Variants in DPH6 observed in about 807,000 individuals in gnomAD.
The protein encoded by DPH6 is diphthamine biosynthesis 6, also known as diphthine--ammonia ligase.
DPH6 carries 33 observed loss-of-function variants against 38.2 expected under a neutral mutation model. That is an observed-to-expected ratio of 0.86 (90% CI 0.65 to 1.15). The LOEUF (loss-of-function observed/expected upper bound fraction) is 1.15, where lower values mean the gene tolerates loss of function less well. Ranked by LOEUF, DPH6 falls within the 50% of genes most tolerant of loss-of-function variation. The pLI is 0.00. For synonymous variants in DPH6, 108 were observed against 103.0 expected (o/e 1.05, Z -0.30); for missense variants, 325 against 320.0 (o/e 1.02, Z -0.12).
At chr15:35,321,403 C>G (rs534247142) in intron 3 of DPH6, among the ~76,000 whole-genome samples, 2 of 152,110 alleles carry the variant, frequency 1.3e-5, no homozygotes, top group African/African-American at 4.8e-5. Context: ...GGAGTAAATA[C>G]CAAATATTTT....
At chr15:35,476,199 T>C (rs1356874425) in intron 3 of DPH6, among the ~76,000 whole-genome samples, 1 of 151,868 alleles carries the variant, frequency 6.6e-6, no homozygotes, top group Non-Finnish European at 1.5e-5. Context: ...TTTCTAACAA[T>C]GACTAGCTGT....
chr15:35,384,586 C>T (rs1331930200), intron 6 of DPH6, among the ~76,000 whole-genome samples: 1 of 152,042 alleles, frequency 6.6e-6, no homozygotes, highest in Non-Finnish European at 1.5e-5. Flanking sequence ...TCGCTTGAAC[C>T]CAGGAGGCGG....
rs112878810 is a variant in DPH6 at position 35,276,012 on chromosome 15, A to C, written n.201-55430T>G. On this transcript the variant is annotated intron_variant and non_coding_transcript_variant, in intron 3 of 3. Transcript: ENST00000560386. ...TGGTAGTTCTACTTTTAGTTCTTTA[A>C]GGAATCTCCACACTGTTTTCCATAG... Among the ~76,000 whole-genome samples the C allele has an allele frequency of 4.2e-4, 64 of 152,340 alleles. 1 individual carries two copies. Among genetic ancestry groups the C allele is most frequent in the Middle Eastern group, 3.4e-3 (1 of 294 alleles).
At chr15:35,545,661 G>A (rs1198124462) in intron 1 of DPH6, among the ~76,000 whole-genome samples, 2 of 152,090 alleles carry the variant, frequency 1.3e-5, no homozygotes, top group Non-Finnish European at 2.9e-5. Flanking sequence ...CTGACCAAAG[G>A]AACTACAGAA....
At chr15:35,145,488 G>A in the DPH6 span, among the ~76,000 whole-genome samples, 2 of 152,224 alleles carry the variant, frequency 1.3e-5, no homozygotes, top group African/African-American at 4.8e-5. Flanking sequence ...GATACAAACA[G>A]TATGAACATT....
At chr15:35,451,958 C>T (rs2053940439) in intron 4 of DPH6, among the ~76,000 whole-genome samples, 1 of 152,100 alleles carries the variant, frequency 6.6e-6, no homozygotes, top group South Asian at 2.1e-4. Flanking sequence ...TGCCGTAAGC[C>T]GAGATTGCGC....
intron 3 of DPH6, chr15:35,490,085 A>G (rs1470393980): frequency 1.0e-6 from 1 of 985,308 alleles, no homozygotes; most frequent in Non-Finnish European, 1.2e-6. Context: ...TACTTGGCCT[A>G]AATCTCTTCC....
intron 3 of DPH6, among the ~76,000 whole-genome samples, chr15:35,464,287 T>G (rs953565020): frequency 6.9e-6 from 1 of 144,594 alleles, no homozygotes; most frequent in Non-Finnish European, 1.5e-5. Context: ...GGCAAGACTT[T>G]GTCTCAAAAA....
chr15:35,411,244 T>G (rs2053363082), intron 5 of DPH6, among the ~76,000 whole-genome samples: 1 of 151,714 alleles, frequency 6.6e-6, no homozygotes, highest in Non-Finnish European at 1.5e-5. Flanking sequence ...TTTTAATGGT[T>G]ATGATTTATT....
intron 3 of DPH6, among the ~76,000 whole-genome samples, chr15:35,233,050 G>A (rs2051528914): frequency 1.3e-5 from 2 of 152,314 alleles, no homozygotes; most frequent in South Asian, 4.1e-4. Context: ...GCTCATGCCT[G>A]TAATCTCAGC....
chr15:35,191,603 C>A, the DPH6 span, among the ~76,000 whole-genome samples: 1 of 152,324 alleles, frequency 6.6e-6, no homozygotes, highest in South Asian at 2.1e-4. Flanking sequence ...TGACACTCTC[C>A]CCACTGCTGA....
chr15:35,263,964 C>T (rs754318599), intron 3 of DPH6, among the ~76,000 whole-genome samples: 2 of 152,214 alleles, frequency 1.3e-5, no homozygotes, highest in Admixed American at 6.5e-5. Flanking sequence ...CTGCCCACCT[C>T]GGCCTCACAA....
intron 3 of DPH6, chr15:35,299,339 G>A: frequency 1.0e-6 from 1 of 1,000,834 alleles, no homozygotes; most frequent in Non-Finnish European, 1.6e-6. Context: ...GCCTGAGTGA[G>A]AGCTGCCTTC....
At chr15:35,450,896 C>T (rs955250403) in intron 4 of DPH6, 93 bp from the exon 5 acceptor site, 28 of 992,284 alleles carry the variant, frequency 2.8e-5, no homozygotes, top group Admixed American at 1.3e-4. Context: ...CATAATGCTT[C>T]GTTCAAGGAT....
the DPH6 span, among the ~76,000 whole-genome samples, chr15:35,171,237 C>T: frequency 3.9e-5 from 6 of 152,158 alleles, no homozygotes; most frequent in Admixed American, 6.5e-5. Context: ...AGTGACATGC[C>T]ACTTGGTTGC....
chr15:35,398,772 G>A lies in DPH6; in HGVS notation c.567+12063C>T, dbSNP rs1222450222. On this transcript the variant is annotated intron_variant, in intron 6 of 8. Coordinates refer to ENST00000256538, the MANE Select transcript of DPH6 (RefSeq NM_080650.4). ...TATAGGTAACAACCTACTACTTGTG[G>A]TTGGCATCTGAAGTGGTGGCAGTCT... Among the ~76,000 whole-genome samples, 3 of 152,262 alleles carry A rather than the reference G, an allele frequency of 2.0e-5. No homozygotes were observed. The East Asian group carries it at 5.8e-4, about 29-fold the overall frequency.
chr15:35,421,559 A>T (rs1395705131), intron 5 of DPH6, among the ~76,000 whole-genome samples: 2 of 152,210 alleles, frequency 1.3e-5, no homozygotes, highest in African/African-American at 4.8e-5. Context: ...TGTGGAACAC[A>T]GAGAATTTTT....
At chr15:35,531,400 G>C (rs1024413700) in intron 3 of DPH6, among the ~76,000 whole-genome samples, 1 of 152,074 alleles carries the variant, frequency 6.6e-6, no homozygotes, top group South Asian at 2.1e-4. Context: ...GAAAACAAAA[G>C]ACAAAATGAA....
At chr15:35,345,855 A>G (rs1370263915) in intron 3 of DPH6, among the ~76,000 whole-genome samples, 1 of 151,970 alleles carries the variant, frequency 6.6e-6, no homozygotes, top group African/African-American at 2.4e-5. Flanking sequence ...GAGAAGATAT[A>G]TATGTAATGA....
Sources: gnomAD v4.1 joint callset for allele counts (sites outside exome capture counted in the v4.1 genomes callset) on GRCh38, gnomAD v4.1.1 for gene constraint, MANE v1.5 for transcripts, NCBI Gene and HGNC (gene_info 2026-07-23, HGNC 2026-07-21) for gene names.